ISG20: variants seen among roughly 807,000 people sequenced by gnomAD.
The protein encoded by ISG20 is interferon stimulated exonuclease gene 20.
A neutral mutation model predicts 11.1 loss-of-function variants in ISG20; 8 were observed. That is an observed-to-expected ratio of 0.72 (90% CI 0.42 to 1.30). ISG20 has a LOEUF of 1.30. Ranked by LOEUF, ISG20 falls within the 50% of genes most tolerant of loss-of-function variation. The pLI, the probability that ISG20 is intolerant of heterozygous loss-of-function variation, is 0.01. For synonymous variants in ISG20, 110 were observed against 101.7 expected, an observed-to-expected ratio of 1.08 and a Z score of -0.49; for missense variants, 243 against 250.2, an observed-to-expected ratio of 0.97 and a Z score of 0.19.
intron 3 of ISG20, among the ~76,000 whole-genome samples, chr15:88,652,846 A>G (rs2058309833): frequency 6.6e-6 from 1 of 151,266 alleles, no homozygotes; most frequent in Non-Finnish European, 1.5e-5. Context: ...ACTCTGGGCA[A>G]TGATGTAAAG....
chr15:88,646,568 G>A (rs1596052564), intron 2 of ISG20, among the ~76,000 whole-genome samples: 2 of 152,336 alleles, frequency 1.3e-5, no homozygotes, highest in African/African-American at 4.8e-5. Flanking sequence ...GTGTCAATTT[G>A]TTGGAGGCTC....
intron 2 of ISG20, among the ~76,000 whole-genome samples, chr15:88,645,565 G>T (rs1212286025): frequency 1.3e-5 from 2 of 151,978 alleles, no homozygotes; most frequent in African/African-American, 4.8e-5. Context: ...ATTGCCTAAG[G>T]TTCCCCCAGC....
intron 2 of ISG20, chr15:88,651,674 C>G (rs746196457): frequency 1.6e-4 from 96 of 605,952 alleles, no homozygotes; most frequent in Admixed American, 1.6e-4. Context: ...AAGTTCTGCC[C>G]GGAACTTTAA....
At chr15:88,635,928 T>C (rs1208039391), upstream of ISG20, among the ~76,000 whole-genome samples, 1 of 152,222 alleles carries the variant, frequency 6.6e-6, no homozygotes. Flanking sequence ...TGCATGTAAG[T>C]GGACCTGTGC....
rs529074357 is a variant in ISG20, at chr15:88,639,688, C to T, written c.228+94C>T. ...CTGGTGCCCATCTGTGACCTGTGAC[C>T]CCACTTGTAAGATTTCCCACACTGC... On this transcript the variant is annotated intron_variant, in intron 2 of 3. Coordinates refer to ENST00000306072, the MANE Select transcript of ISG20 (RefSeq NM_002201.6). The surrounding 1 kb of genome is among the most constrained non-coding windows in gnomAD (Gnocchi z 4.2). 8.8e-5 allele frequency: 84 copies of T among 955,126 alleles called. 1 individual carries two copies. The South Asian group carries it at 1.2e-3, about 14-fold the overall frequency. The allele number at this position is 955,126 out of a possible 1,614,324, so 59.2% of individuals were successfully genotyped here. A position where few individuals can be genotyped will look rare whatever the true frequency, so the allele number is the denominator to read the frequency against.
chr15:88,642,696 A>T (rs895252698), intron 2 of ISG20, among the ~76,000 whole-genome samples: 1 of 152,120 alleles, frequency 6.6e-6, no homozygotes, highest in Non-Finnish European at 1.5e-5. Flanking sequence ...GGCTCACTAC[A>T]ACCTCCATCT....
intron 2 of ISG20, among the ~76,000 whole-genome samples, chr15:88,646,519 G>T (rs2058176345): frequency 2.6e-5 from 4 of 152,232 alleles, no homozygotes; most frequent in Admixed American, 2.0e-4. Flanking sequence ...ATGTGGCCCA[G>T]TAATGGTCAT....
chr15:88,653,177 CT>C (rs2058316611), intron 3 of ISG20, among the ~76,000 whole-genome samples: 1 of 152,176 alleles, frequency 6.6e-6, no homozygotes, highest in Non-Finnish European at 1.5e-5. Context: ...CAAGACCCGT[CT>C]CTGTCCCTGA....
intron 2 of ISG20, chr15:88,651,638 T>C (rs757694275): frequency 4.2e-5 from 13 of 312,404 alleles, no homozygotes; most frequent in Admixed American, 5.5e-5. Flanking sequence ...GATCTCCCCA[T>C]TTGAAGGTCG....
chr15:88,636,449 G>A (rs1596038116), upstream of ISG20, among the ~76,000 whole-genome samples: 1 of 152,172 alleles, frequency 6.6e-6, no homozygotes, highest in South Asian at 2.1e-4. Context: ...CCCCAGTTTT[G>A]AACTAAACAG....
Position 88,646,627 on chromosome 15 carries a change from G to C in ISG20, c.229-5483G>C, listed in dbSNP as rs149497613. Among the ~76,000 whole-genome samples the C allele has an allele frequency of 8.4e-3, 1,279 of 152,262 alleles. 22 individuals carry two copies. Among genetic ancestry groups the C allele is most frequent in the African/African-American group, 0.029 (1,203 of 41,548 alleles). ...TCATCCATAATGTTTTAATCCCAAA[G>C]ACAGATCAGGCTCACGGGCCCCCAA... On this transcript the variant is annotated intron_variant, in intron 2 of 3. Coordinates refer to ENST00000306072, the MANE Select transcript of ISG20 (RefSeq NM_002201.6).
rs1355126147 is a variant in ISG20 at position 88,650,038 on chromosome 15, G to T, written c.229-2072G>T. The T allele has an allele frequency of 1.0e-5, 6 of 580,028 alleles. No homozygotes were observed. The highest frequency in any genetic ancestry group is 1.5e-5 in the Non-Finnish European group (5 of 322,680). 35.9% of individuals were successfully genotyped at this position (580,028 alleles called of 1,614,324 possible). A position where few individuals can be genotyped will look rare whatever the true frequency, so the allele number is the denominator to read the frequency against. ...GGAACACATGATGTTCCAGGAGGCCGCTGGCTATCTAGAAGGAGAAGCAGG... is the reference window on the plus strand; with the variant it reads ...GGAACACATGATGTTCCAGGAGGCCTCTGGCTATCTAGAAGGAGAAGCAGG... On this transcript the variant is annotated intron_variant, in intron 2 of 3. Transcript: ENST00000306072. This position sits in a 1 kb window ranked among gnomAD's most constrained non-coding sequence, Gnocchi z 4.0.
rs2058256956 is a variant in ISG20, at chr15:88,650,583, T to G, written c.229-1527T>G. 5 of 699,692 alleles carry G rather than the reference T, an allele frequency of 7.1e-6. No individual in the cohort carries two copies. The highest frequency in any genetic ancestry group is 1.0e-5 in the Non-Finnish European group (5 of 479,486). The allele number at this position is 699,692 out of a possible 1,614,324, so 43.3% of individuals were successfully genotyped here. On this transcript the variant is annotated intron_variant, in intron 2 of 3. Transcript: ENST00000306072. This position sits in a 1 kb window ranked among gnomAD's most constrained non-coding sequence, Gnocchi z 4.0. Reference sequence around the variant, plus strand: ...TTATTTCGCTCGGCCACCTGCAGTTTGGGCAGGTGCTCTGCAGCAGGACAG... The same window carrying G: ...TTATTTCGCTCGGCCACCTGCAGTTGGGGCAGGTGCTCTGCAGCAGGACAG...
At position 88,644,486 on chromosome 15, in the gene ISG20, C is replaced by T. The variant is rs1489005185; in HGVS notation, c.228+4892C>T. The stretch of plus-strand genomic sequence containing the variant: ...GGCGGAGGTTGCTGTGAGCTGGGAT[C>T]GTGCCACTGCACTCCAGCCTGGGCG... On this transcript the variant is annotated intron_variant, in intron 2 of 3. Coordinates refer to ENST00000306072, the MANE Select transcript of ISG20 (RefSeq NM_002201.6). Among the ~76,000 whole-genome samples, 3 of 142,620 alleles carry T rather than the reference C, an allele frequency of 2.1e-5. No homozygotes were observed. In the Admixed American group the frequency reaches 2.2e-4, roughly 11 times the overall value. The allele number at this position is 142,620 out of a possible 152,430, so 93.6% of individuals were successfully genotyped here. A position where few individuals can be genotyped will look rare whatever the true frequency, so the allele number is the denominator to read the frequency against.
chr15:88,652,892 GC>G (rs1349773228), intron 3 of ISG20, among the ~76,000 whole-genome samples: 1 of 151,668 alleles, frequency 6.6e-6, no homozygotes, highest in Admixed American at 6.6e-5. Flanking sequence ...CACAGCAGGG[GC>G]CGGGGAACTG....
At chr15:88,645,052 C>G (rs1482790084) in intron 2 of ISG20, among the ~76,000 whole-genome samples, 1 of 152,204 alleles carries the variant, frequency 6.6e-6, no homozygotes. Context: ...CAACTCCACT[C>G]TTTAAGCGTG....
At chr15:88,651,968 T>C (rs2141404445) in intron 2 of ISG20, 142 bp from the exon 3 acceptor site, 1 of 1,467,676 alleles carries the variant, frequency 6.8e-7, no homozygotes, top group African/African-American at 1.4e-5. Flanking sequence ...TTTTCAAAGA[T>C]GATACATTTG....
rs2058364156 is a variant in ISG20 at position 88,655,610 on chromosome 15, C to A, written c.*79C>A. 2.1e-6 allele frequency: 2 copies of A among 944,496 alleles called. No individual in the cohort carries two copies. Among genetic ancestry groups the A allele is most frequent in the African/African-American group, 1.7e-5 (1 of 60,542 alleles). 58.5% of individuals were successfully genotyped at this position (944,496 alleles called of 1,614,324 possible). On this transcript the variant is annotated 3_prime_UTR_variant, in exon 4 of 4. Transcript: ENST00000306072. Reference sequence around the variant, plus strand: ...GCAACTACCTTGCTTTTGGAAAATACATTTTTAATAGTAAAGTGGCTCTAT... The same window carrying A: ...GCAACTACCTTGCTTTTGGAAAATAAATTTTTAATAGTAAAGTGGCTCTAT...
At chr15:88,636,127 C>CCA (rs750137972), upstream of ISG20, 1 of 152,228 alleles carries the variant, frequency 6.6e-6, no homozygotes. Flanking sequence ...CCAGAGAGGG[C>CCA]CACAGAGTGG....
Sources: allele counts gnomAD v4.1 joint callset (sites outside exome capture counted in the v4.1 genomes callset), GRCh38; gene constraint gnomAD v4.1.1; non-coding constraint Gnocchi (gnomAD v3.1); transcripts MANE v1.5; gene names NCBI Gene and HGNC (gene_info 2026-07-23, HGNC 2026-07-21).